Variants in MTCH1 observed in about 807,000 individuals in gnomAD.
MTCH1 encodes mitochondrial carrier homolog 1.
In MTCH1, 23 loss-of-function variants were observed where a neutral mutation model predicts 49.3. That is an observed-to-expected ratio of 0.47 (90% confidence interval 0.34 to 0.66). The LOEUF is 0.66. Among genes scored for constraint, MTCH1 ranks in the 30% least tolerant of loss-of-function variants. MTCH1 has a pLI of 0.01. For synonymous variants in MTCH1, 229 were observed against 215.2 expected, an observed-to-expected ratio of 1.06 and a Z score of -0.56; for missense variants, 397 against 532.1, an observed-to-expected ratio of 0.75 and a Z score of 2.50.
At chr6:36,970,248 G>A in intron 10 of MTCH1, 134 bp from the exon 11 acceptor site, 2 of 1,420,274 alleles carry the variant, frequency 1.4e-6, no homozygotes, top group South Asian at 2.5e-5. Context: ...TTTACCCCAG[G>A]GGGTGCTGGG....
rs1032522362 is a variant in MTCH1 at position 36,977,613 on chromosome 6, G to A, written c.649+21C>T. On this transcript the variant is annotated intron_variant, in intron 5 of 11. Coordinates refer to ENST00000373627, the MANE Select transcript of MTCH1 (RefSeq NM_001271641.2). The surrounding 1 kb of genome is among the most constrained non-coding windows in gnomAD (Gnocchi z 5.4). ...CCGACGCCAGCTTAGATACAGTCTC[G>A]GGGGAAGGGGGGTGGCTTACCATGC... The A allele has an allele frequency of 1.0e-5, 16 of 1,561,384 alleles. No individual in the cohort carries two copies. Among genetic ancestry groups the A allele is most frequent in the African/African-American group, 4.1e-5 (3 of 73,918 alleles).
At chr6:36,979,390 T>G (rs1764010560) in intron 2 of MTCH1, among the ~76,000 whole-genome samples, 1 of 152,208 alleles carries the variant, frequency 6.6e-6, no homozygotes, top group Non-Finnish European at 1.5e-5. Context: ...TAAACATGTT[T>G]TAAATGGCAG....
rs779767732 is a variant in MTCH1 at position 36,975,645 on chromosome 6, T to A, written c.761+13A>T. On this transcript the variant is annotated intron_variant, in intron 7 of 11. Coordinates refer to ENST00000373627, the MANE Select transcript of MTCH1 (RefSeq NM_001271641.2). ...TGCCCGTGGCCAGTTATGGGGTGTA[T>A]AAACTCACGTACACGAAGAATCCCA... is the stretch of plus-strand genomic sequence containing the variant. The A allele has an allele frequency of 1.2e-6, 2 of 1,613,810 alleles. No individual in the cohort carries two copies. Among genetic ancestry groups the A allele is most frequent in the Non-Finnish European group, 1.7e-6 (2 of 1,179,722 alleles).
intron 10 of MTCH1, 56 bp from the exon 11 acceptor site, chr6:36,970,170 G>A (rs1583247175): frequency 1.3e-6 from 2 of 1,579,604 alleles, no homozygotes; most frequent in Non-Finnish European, 1.7e-6. Flanking sequence ...CCAGCCACGG[G>A]AAAGCCACTT....
chr6:36,978,220 T>C (rs993377080), intron 3 of MTCH1, 65 bp from the exon 4 acceptor site: 1 of 1,412,996 alleles, frequency 7.1e-7, no homozygotes, highest in Non-Finnish European at 1.0e-6. Context: ...TTCGGGGACT[T>C]GGGCGGCAGG....
intron 6 of MTCH1, among the ~76,000 whole-genome samples, chr6:36,976,938 C>A (rs1284073201): frequency 6.6e-6 from 1 of 152,230 alleles, no homozygotes; most frequent in Non-Finnish European, 1.5e-5. Context: ...AAATCCTAAT[C>A]CAAGCTGACT....
chr6:36,976,471 T>A (rs958131201), intron 6 of MTCH1: 3 of 469,118 alleles, frequency 6.4e-6, no homozygotes, highest in South Asian at 3.1e-5. Context: ...GTGGCCAGAT[T>A]ATACCCTTCT....
chr6:36,972,626 A>G lies in MTCH1; in HGVS notation c.906+26T>C. ...CTGGGCATCAGCAGCACACGGAAAG[A>G]AGGACAAGTCCTTGTTCCAACCAAC... On this transcript the variant is annotated intron_variant, in intron 8 of 11. Transcript: ENST00000373627. This position sits in a 1 kb window ranked among gnomAD's most constrained non-coding sequence, Gnocchi z 4.1. 3 of 1,538,496 alleles carry G rather than the reference A, an allele frequency of 1.9e-6. No homozygotes were observed. The highest frequency in any genetic ancestry group is 2.6e-6 in the Non-Finnish European group (3 of 1,136,442).
At chr6:36,979,554 A>C (rs1764016085) in intron 2 of MTCH1, among the ~76,000 whole-genome samples, 1 of 152,234 alleles carries the variant, frequency 6.6e-6, no homozygotes, top group Non-Finnish European at 1.5e-5. Context: ...GATGTCTGCC[A>C]GCCCAGCAAT....
chr6:36,985,765 C>T (rs1237481823), intron 1 of MTCH1, 88 bp downstream of exon 1: 8 of 1,429,010 alleles, frequency 5.6e-6, no homozygotes, highest in Non-Finnish European at 7.5e-6. Context: ...AATCCGTCGC[C>T]ATTGACTGCC....
intron 7 of MTCH1, among the ~76,000 whole-genome samples, chr6:36,975,368 T>C (rs1763835304): frequency 6.6e-6 from 1 of 152,238 alleles, no homozygotes; most frequent in Non-Finnish European, 1.5e-5. Context: ...ACTTAGCTCA[T>C]GAAGACCAGC....
rs1763620140 is a variant in MTCH1 at position 36,970,028 on chromosome 6, T to C, written c.1098+11A>G. ...AACAGGAAAGGCCTCCGCCGTCCAG[T>C]GCTTGCTCACCTGCACACTCAGGTA... On this transcript the variant is annotated intron_variant, in intron 11 of 11. Transcript: ENST00000373627. 1 of 1,614,100 alleles carries C rather than the reference T, an allele frequency of 6.2e-7. No homozygotes were observed. The highest frequency in any genetic ancestry group is 2.2e-5 in the East Asian group (1 of 44,888).
At chr6:36,986,230 G>A, upstream of MTCH1, 3 of 1,361,122 alleles carry the variant, frequency 2.2e-6, no homozygotes, top group Non-Finnish European at 2.8e-6. Context: ...CCCCTCACCG[G>A]CGTCAGGGGG....
intron 7 of MTCH1, 152 bp downstream of exon 7, chr6:36,975,506 A>G (rs1043040167): frequency 3.8e-5 from 27 of 701,566 alleles, no homozygotes; most frequent in Admixed American, 1.4e-4. Context: ...TGGACACGCT[A>G]TGGAGCTCTG....
chr6:36,986,137 G>T lies in MTCH1; in HGVS notation c.37C>A (p.Arg13Ser), dbSNP rs1298900465. ...ASDPEVAPWA[R>S]GGAAGMAGAG... Reference sequence around the variant, plus strand: ...CCCGCCATCCCCGCGGCACCGCCGCGAGCCCAGGGCGCCACTTCCGGGTCC... The same window carrying T: ...CCCGCCATCCCCGCGGCACCGCCGCTAGCCCAGGGCGCCACTTCCGGGTCC... The change falls in exon 1 of 12, where the codon CGC becomes AGC. Residue 13 changes from arginine (R) to serine (S), a missense_variant. Physicochemically the swap from Arg to Ser is moderately radical, Grantham distance 110 (BLOSUM62 -1). Coordinates refer to ENST00000373627, the MANE Select transcript of MTCH1 (RefSeq NM_001271641.2). 4 of 1,434,924 alleles carry T rather than the reference G, an allele frequency of 2.8e-6. No homozygotes were observed. Among genetic ancestry groups the T allele is most frequent in the Non-Finnish European group, 3.6e-6 (4 of 1,102,950 alleles). 88.9% of individuals were successfully genotyped at this position (1,434,924 alleles called of 1,614,324 possible).
rs1220673774 is a variant in MTCH1 at position 36,977,752 on chromosome 6, G to C, written c.592-61C>G. ...CGGCCTGTCTCTGGAACTGGCCCTCGAGGGGAGCTACAAGTGCTCAGGAGG... is the reference window on the plus strand; with the variant it reads ...CGGCCTGTCTCTGGAACTGGCCCTCCAGGGGAGCTACAAGTGCTCAGGAGG... On this transcript the variant is annotated intron_variant, in intron 4 of 11. Transcript: ENST00000373627. This position sits in a 1 kb window ranked among gnomAD's most constrained non-coding sequence, Gnocchi z 5.4. The C allele has an allele frequency of 6.9e-7, 1 of 1,454,234 alleles. No homozygotes were observed. Among genetic ancestry groups the C allele is most frequent in the African/African-American group, 1.4e-5 (1 of 71,460 alleles). The allele number at this position is 1,454,234 out of a possible 1,614,324, so 90.1% of individuals were successfully genotyped here. A position where few individuals can be genotyped will look rare whatever the true frequency, so the allele number is the denominator to read the frequency against.
intron 6 of MTCH1, chr6:36,976,486 C>T (rs1467773170): frequency 2.1e-6 from 1 of 470,424 alleles, no homozygotes; most frequent in Admixed American, 2.4e-5. Context: ...CCTTCTGGTC[C>T]CAACTACCAA....
chr6:36,979,606 C>T (rs926952577), intron 2 of MTCH1, among the ~76,000 whole-genome samples: 3 of 152,178 alleles, frequency 2.0e-5, no homozygotes, highest in African/African-American at 7.2e-5. Flanking sequence ...AGGCTGAGAA[C>T]ACCTGTTACC....
intron 3 of MTCH1, 91 bp downstream of exon 3, chr6:36,978,414 G>C (rs1018792934): frequency 4.6e-6 from 6 of 1,312,136 alleles, no homozygotes; most frequent in African/African-American, 4.4e-5. Context: ...CTGGGAAGGA[G>C]GAGGCAAGAC....
Sources: gnomAD v4.1 joint callset for allele counts (sites outside exome capture counted in the v4.1 genomes callset) on GRCh38, gnomAD v4.1.1 for gene constraint, Gnocchi (gnomAD v3.1) non-coding constraint, MANE v1.5 for transcripts, NCBI Gene and HGNC (gene_info 2026-07-23, HGNC 2026-07-21) for gene names.